FBXO10: variants seen among roughly 807,000 people sequenced by gnomAD.
FBXO10 encodes the protein F-box only protein 10.
In FBXO10, 39 loss-of-function variants were observed where a neutral mutation model predicts 80.7. The ratio of observed to expected loss-of-function variants is 0.48; its 90% CI spans 0.37 to 0.63. FBXO10 has a LOEUF of 0.63. Among genes scored for constraint, FBXO10 ranks in the 30% least tolerant of loss-of-function variants. FBXO10 has a pLI of 0.00. For missense variants in FBXO10, 1,025 were observed against 1,269.0 expected, an observed-to-expected ratio of 0.81 and a Z score of 2.92; for synonymous variants, 449 against 489.6, an observed-to-expected ratio of 0.92 and a Z score of 1.09.
At position 37,553,916 on chromosome 9, in the gene FBXO10, CAAAA is replaced by C. The variant is rs71494669; in HGVS notation, c.-6-12146_-6-12143del. Among the ~76,000 whole-genome samples, 25 of 64,336 alleles carry C rather than the reference CAAAA, an allele frequency of 3.9e-4. No homozygotes were observed. The South Asian group carries it at 7.0e-3, about 18-fold the overall frequency. 42.2% of individuals were successfully genotyped at this position (64,336 alleles called of 152,430 possible). ...GGGCAAAAAGAGCGAAAGTCTGCCTCAAAAAAAAAAAAAAAAAAAAAAAGAAAGA... is the reference window on the plus strand; with the variant it reads ...GGGCAAAAAGAGCGAAAGTCTGCCTCAAAAAAAAAAAAAAAAAAAGAAAGA... On this transcript the variant is annotated intron_variant, in intron 1 of 10. Transcript: ENST00000432825.
chr9:37,518,085 G>T, intron 9 of FBXO10, 40 bp downstream of exon 9: 10 of 1,569,956 alleles, frequency 6.4e-6, no homozygotes, highest in Non-Finnish European at 8.7e-6. Flanking sequence ...GTTGTGCCCT[G>T]TGTGGGCACC....
At chr9:37,574,309 TAAC>T (rs1822838888) in intron 1 of FBXO10, among the ~76,000 whole-genome samples, 1 of 152,242 alleles carries the variant, frequency 6.6e-6, no homozygotes, top group Admixed American at 6.5e-5. Flanking sequence ...AGGGATAGTG[TAAC>T]TGCACTGCAA....
At chr9:37,518,003 G>T in intron 9 of FBXO10, 122 bp downstream of exon 9, 1 of 1,050,134 alleles carries the variant, frequency 9.5e-7, no homozygotes, top group Non-Finnish European at 1.4e-6. Flanking sequence ...CCTGGCAGGA[G>T]GGATACTGTC....
chr9:37,538,433 TGTG>T (rs1821830954), intron 2 of FBXO10, among the ~76,000 whole-genome samples: 1 of 152,026 alleles, frequency 6.6e-6, no homozygotes, highest in Non-Finnish European at 1.5e-5. Context: ...CTCTGCCAGG[TGTG>T]GTGGCTCACG....
intron 3 of FBXO10, among the ~76,000 whole-genome samples, chr9:37,532,376 C>T (rs1442598221): frequency 1.3e-5 from 2 of 149,192 alleles, no homozygotes; most frequent in Non-Finnish European, 3.0e-5. Flanking sequence ...TCTCGGCTTA[C>T]TGCAAGCTCC....
At chr9:37,527,173 C>T (rs542235540) in intron 5 of FBXO10, among the ~76,000 whole-genome samples, 15 of 152,316 alleles carry the variant, frequency 9.8e-5, no homozygotes, top group Admixed American at 3.3e-4. Context: ...TCTAATTCCC[C>T]TGCTTCCTTC....
rs774507582 is a variant in FBXO10, at chr9:37,516,041, G to A, written c.2559C>T (p.Ala853=). The A allele has an allele frequency of 2.5e-5, 40 of 1,613,720 alleles. No homozygotes were observed. In the South Asian group the frequency reaches 3.3e-4, roughly 13 times the overall value. ...CCAGGGCCTTGGCACGGCCCCGCAC[G>A]GCGATGCCGTAGGCCCGGAACGAGT... ...RIHSFRAYGI[A]VRGRAKALVQ... The change falls in exon 10 of 11, where the codon GCC becomes GCT. Residue 853 remains alanine (A), a synonymous_variant. Coordinates refer to ENST00000432825, the MANE Select transcript of FBXO10 (RefSeq NM_012166.3).
At chr9:37,552,687 A>G (rs1187975567) in intron 1 of FBXO10, among the ~76,000 whole-genome samples, 2 of 95,792 alleles carry the variant, frequency 2.1e-5, no homozygotes, top group African/African-American at 4.2e-5. Context: ...GCGAGACTCC[A>G]TATCAAAAAA....
rs1456957123 is a variant in FBXO10 at position 37,511,692 on chromosome 9, G to A, written c.*855C>T. The A allele has an allele frequency of 1.3e-5, 2 of 152,890 alleles. No individual in the cohort carries two copies. Among genetic ancestry groups the A allele is most frequent in the Non-Finnish European group, 2.9e-5 (2 of 68,212 alleles). 9.5% of individuals were successfully genotyped at this position (152,890 alleles called of 1,614,324 possible). A position where few individuals can be genotyped will look rare whatever the true frequency, so the allele number is the denominator to read the frequency against. On this transcript the variant is annotated 3_prime_UTR_variant, in exon 11 of 11. Coordinates refer to ENST00000432825, the MANE Select transcript of FBXO10 (RefSeq NM_012166.3). ...AGCATGAGCCAAGGCACAGAGTGGG[G>A]AGGCTTGGGAGGGTCAGTAAAGACC...
intron 2 of FBXO10, among the ~76,000 whole-genome samples, chr9:37,538,738 G>C (rs983742727): frequency 6.6e-6 from 1 of 151,340 alleles, no homozygotes; most frequent in Non-Finnish European, 1.5e-5. Context: ...ATGGGCTCCG[G>C]GGGTTGACTG....
At chr9:37,544,777 G>A (rs975487083) in intron 1 of FBXO10, among the ~76,000 whole-genome samples, 3 of 151,898 alleles carry the variant, frequency 2.0e-5, no homozygotes, top group Admixed American at 6.6e-5. Context: ...GGCGGATCAC[G>A]AGGTCAGGAG....
intron 1 of FBXO10, among the ~76,000 whole-genome samples, chr9:37,564,401 G>A (rs779983163): frequency 7.2e-5 from 11 of 152,194 alleles, no homozygotes; most frequent in Non-Finnish European, 1.3e-4. Flanking sequence ...GCCCAGTGGA[G>A]CTGTGAGAAG....
At chr9:37,550,749 G>A (rs987199740) in intron 1 of FBXO10, among the ~76,000 whole-genome samples, 46 of 152,256 alleles carry the variant, frequency 3.0e-4, no homozygotes, top group Admixed American at 2.1e-3. Flanking sequence ...AAAGTGCTGC[G>A]ATTATAGGCA....
Position 37,537,946 on chromosome 9 carries a change from G to A in FBXO10, c.586-3C>T. 6.2e-7 allele frequency: 1 copy of A among 1,610,590 alleles called. No homozygotes were observed. On this transcript the variant is annotated splice_polypyrimidine_tract_variant and splice_region_variant and intron_variant, in intron 2 of 10. Transcript: ENST00000432825. ...AACTGGACGTGACCTGATGTTGTCT[G>A]GGGAATGAAAAGAAGAAAACGGCTG...
At chr9:37,569,539 A>G (rs1822695789) in intron 1 of FBXO10, among the ~76,000 whole-genome samples, 1 of 152,080 alleles carries the variant, frequency 6.6e-6, no homozygotes, top group Admixed American at 6.5e-5. Context: ...AACAAACTTG[A>G]TCTAATGGCA....
At chr9:37,537,989 G>A (rs1554759705) in intron 2 of FBXO10, 46 bp from the exon 3 acceptor site, 3 of 1,486,342 alleles carry the variant, frequency 2.0e-6, no homozygotes, top group Admixed American at 3.4e-5. Flanking sequence ...GATGAGATTG[G>A]TTTTGGACTC....
At chr9:37,573,057 C>G (rs939985248) in intron 1 of FBXO10, among the ~76,000 whole-genome samples, 2 of 152,172 alleles carry the variant, frequency 1.3e-5, no homozygotes, top group African/African-American at 4.8e-5. Context: ...TGAGTAGGCA[C>G]CCAAAGTCCT....
At chr9:37,517,306 A>G (rs1162320754) in intron 9 of FBXO10, among the ~76,000 whole-genome samples, 1 of 152,180 alleles carries the variant, frequency 6.6e-6, no homozygotes, top group African/African-American at 2.4e-5. Context: ...AGAATTCACC[A>G]CTAAAGAACT....
At chr9:37,566,843 A>G (rs1204507516) in intron 1 of FBXO10, among the ~76,000 whole-genome samples, 1 of 152,238 alleles carries the variant, frequency 6.6e-6, no homozygotes, top group African/African-American at 2.4e-5. Context: ...TCAGCGTGAG[A>G]AATAACCATC....
Sources: gnomAD v4.1 joint callset for allele counts (sites outside exome capture counted in the v4.1 genomes callset) on GRCh38, gnomAD v4.1.1 for gene constraint, MANE v1.5 for transcripts, NCBI Gene and HGNC (gene_info 2026-07-23, HGNC 2026-07-21) for gene names.